The following PCSK6 variants were observed in gnomAD, a reference collection of about 807,000 sequenced individuals.
PCSK6 encodes the protein paired basic amino acid cleaving enzyme 4.
In PCSK6, 85 loss-of-function variants were observed where a neutral mutation model predicts 123.3. The observed-to-expected ratio is 0.69, with a 90% CI of 0.58 to 0.83. The LOEUF is 0.83. Among genes scored for constraint, PCSK6 ranks in the 40% least tolerant of loss-of-function variants. The pLI, the probability that PCSK6 is intolerant of heterozygous loss-of-function variation, is 0.00. For missense variants in PCSK6, 1,191 were observed against 1,282.3 expected, an observed-to-expected ratio of 0.93 and a Z score of 1.09; for synonymous variants, 508 against 516.0, an observed-to-expected ratio of 0.98 and a Z score of 0.21.
intron 1 of PCSK6, among the ~76,000 whole-genome samples, chr15:101,472,984 G>C (rs998268673): frequency 6.6e-6 from 1 of 152,200 alleles, no homozygotes; most frequent in Non-Finnish European, 1.5e-5. Flanking sequence ...GTTAGTTCTG[G>C]TCCCTCAATG....
At chr15:101,351,079 T>A (rs148614719) in intron 13 of PCSK6, among the ~76,000 whole-genome samples, 134 of 152,352 alleles carry the variant, frequency 8.8e-4, no homozygotes, top group African/African-American at 3.0e-3. Flanking sequence ...ATCTGTTCTA[T>A]CTACACAGGG....
rs369369167 is a variant in PCSK6 at position 101,428,066 on chromosome 15, G to A, written c.735-86C>T. 6.4e-6 allele frequency: 7 copies of A among 1,097,308 alleles called. No individual in the cohort carries two copies. In the African/African-American group the frequency reaches 7.7e-5, roughly 12 times the overall value. 68.0% of individuals were successfully genotyped at this position (1,097,308 alleles called of 1,614,324 possible). A position where few individuals can be genotyped will look rare whatever the true frequency, so the allele number is the denominator to read the frequency against. The stretch of plus-strand genomic sequence containing the variant: ...CCTGGCTCAGTTCAATGCAACAAGA[G>A]AGTCAGTTGTCCGAAGCCCAGAGAT... On this transcript the variant is annotated intron_variant, in intron 5 of 21. Transcript: ENST00000611716.
At chr15:101,337,061 G>A (rs1316690927) in intron 13 of PCSK6, 1 of 151,760 alleles carries the variant, frequency 6.6e-6, no homozygotes, top group Non-Finnish European at 1.5e-5. Flanking sequence ...CTGGAGTGCA[G>A]TGGCACCATC....
chr15:101,363,885 G>A (rs1035552156), intron 13 of PCSK6, among the ~76,000 whole-genome samples: 13 of 151,394 alleles, frequency 8.6e-5, no homozygotes, highest in Admixed American at 2.6e-4. Flanking sequence ...TGATCCACCC[G>A]CCTCGGCCTC....
At position 101,313,364 on chromosome 15, in the gene PCSK6, G is replaced by T; in HGVS notation, c.2699+12C>A. On this transcript the variant is annotated intron_variant, in intron 20 of 21. Coordinates refer to ENST00000611716, the MANE Select transcript of PCSK6 (RefSeq NM_002570.5). ...CACAGCTGCCTGCCGTTCCCCGCCA[G>T]GAGGACCGTACCTTCGACACACTTT... is the stretch of plus-strand genomic sequence containing the variant. 1.9e-6 allele frequency: 3 copies of T among 1,612,724 alleles called. No individual in the cohort carries two copies. The highest frequency in any genetic ancestry group is 2.5e-6 in the Non-Finnish European group (3 of 1,179,852).
chr15:101,448,998 C>T (rs941707451), intron 1 of PCSK6, among the ~76,000 whole-genome samples: 3 of 151,902 alleles, frequency 2.0e-5, no homozygotes, highest in African/African-American at 4.8e-5. Context: ...CGTGTATATA[C>T]GTATGCCGGT....
chr15:101,408,711 G>A lies in PCSK6; in HGVS notation c.824-10135C>T, dbSNP rs145526117. Among the ~76,000 whole-genome samples, 1,407 of 152,284 alleles carry A rather than the reference G, an allele frequency of 9.2e-3. 14 individuals are homozygous for A. The highest frequency in any genetic ancestry group is 0.032 in the African/African-American group (1,313 of 41,556). ...AAAATCCTCTTGCAGTTGAAAATGC[G>A]CTGGGAACCTTTGAAGATTAATCTA... On this transcript the variant is annotated intron_variant, in intron 6 of 21. Coordinates refer to ENST00000611716, the MANE Select transcript of PCSK6 (RefSeq NM_002570.5).
At chr15:101,461,938 T>C (rs537133886) in intron 1 of PCSK6, among the ~76,000 whole-genome samples, 1 of 152,212 alleles carries the variant, frequency 6.6e-6, no homozygotes, top group Non-Finnish European at 1.5e-5. Flanking sequence ...TCAATGCTTT[T>C]ATTCATCATT....
intron 10 of PCSK6, among the ~76,000 whole-genome samples, chr15:101,383,011 G>A (rs574403164): frequency 6.6e-6 from 1 of 152,236 alleles, no homozygotes; most frequent in African/African-American, 2.4e-5. Flanking sequence ...CAGACTTAGT[G>A]TCAAATTAGT....
intron 7 of PCSK6, among the ~76,000 whole-genome samples, chr15:101,393,694 G>T (rs2042305845): frequency 6.6e-6 from 1 of 152,192 alleles, no homozygotes; most frequent in African/African-American, 2.4e-5. Flanking sequence ...GTTCTTCACA[G>T]GAAAATCAAG....
intron 1 of PCSK6, among the ~76,000 whole-genome samples, chr15:101,468,669 G>C (rs79331718): frequency 6.6e-6 from 1 of 152,214 alleles, no homozygotes; most frequent in Non-Finnish European, 1.5e-5. Context: ...GGAGACAGCA[G>C]TTGGTACTAA....
intron 13 of PCSK6, among the ~76,000 whole-genome samples, chr15:101,340,787 T>A (rs1297683831): frequency 6.6e-6 from 1 of 151,846 alleles, no homozygotes; most frequent in Non-Finnish European, 1.5e-5. Flanking sequence ...CCCAATGTTC[T>A]AACAAAATTT....
chr15:101,393,290 G>C lies in PCSK6; in HGVS notation c.1131C>G (p.Tyr377Ter). The C allele has an allele frequency of 6.2e-7, 1 of 1,613,266 alleles. No homozygotes were observed. The highest frequency in any genetic ancestry group is 8.5e-7 in the Non-Finnish European group (1 of 1,179,654). Residue 377 changes from tyrosine (Y) to a stop codon, truncating the protein, a stop_gained, in exon 8 of 22, where the codon TAC (tyrosine) becomes TAG (stop). Coordinates refer to ENST00000611716, the MANE Select transcript of PCSK6 (RefSeq NM_002570.5). LOFTEE classifies it high-confidence loss of function. The stretch of plus-strand genomic sequence containing the variant: ...CACACTCTTCCAGGTACCAGGGCTT[G>C]TAGCCATTCTCGGTGGCGCTGCTGA... ...ISVSSATENG[Y>*]KPWYLEECAS...
At chr15:101,326,553 G>A in intron 15 of PCSK6, 74 bp from the exon 16 acceptor site, 1 of 1,379,064 alleles carries the variant, frequency 7.3e-7, no homozygotes, top group Non-Finnish European at 1.0e-6. Flanking sequence ...GGATCCCTGT[G>A]TCAGGATATC....
intron 13 of PCSK6, chr15:101,347,277 A>G: frequency 1.6e-6 from 2 of 1,232,404 alleles, no homozygotes; most frequent in Non-Finnish European, 2.0e-6. Context: ...TTAGAAATGA[A>G]GATTAGCTCA....
chr15:101,333,296 C>T (rs1596193838), intron 13 of PCSK6, among the ~76,000 whole-genome samples: 1 of 152,342 alleles, frequency 6.6e-6, no homozygotes, highest in African/African-American at 2.4e-5. Context: ...CCGGACGCCC[C>T]AGCCTTTCAA....
rs7172124 is a variant in PCSK6 at position 101,305,600 on chromosome 15, C to T, written c.2813-245G>A. 0.018 allele frequency: 7,637 copies of T among 413,500 alleles called. 281 individuals are homozygous for T. The highest frequency in any genetic ancestry group is 0.086 in the African/African-American group (4,226 of 49,288). The allele number at this position is 413,500 out of a possible 1,614,324, so 25.6% of individuals were successfully genotyped here. ...GTGGGCACCTGTAATCCAAGCTACTCGGGAGGCTAAAGCAGGAGAACCACC... is the reference window on the plus strand; with the variant it reads ...GTGGGCACCTGTAATCCAAGCTACTTGGGAGGCTAAAGCAGGAGAACCACC... On this transcript the variant is annotated intron_variant, in intron 21 of 21. Coordinates refer to ENST00000611716, the MANE Select transcript of PCSK6 (RefSeq NM_002570.5). The surrounding 1 kb of genome is among the most constrained non-coding windows in gnomAD (Gnocchi z 4.8).
intron 13 of PCSK6, chr15:101,364,999 C>T: frequency 1.3e-6 from 1 of 778,186 alleles, no homozygotes; most frequent in Admixed American, 1.7e-5. Flanking sequence ...GGAAACGAAC[C>T]TCTCTTCTGT....
At chr15:101,463,178 T>C (rs1012176905) in intron 1 of PCSK6, 2 of 451,614 alleles carry the variant, frequency 4.4e-6, no homozygotes, top group Admixed American at 2.4e-5. Context: ...AGGGGCCTTC[T>C]GGTTGGCTCC....
Sources: gnomAD v4.1 joint callset for allele counts (sites outside exome capture counted in the v4.1 genomes callset) on GRCh38, gnomAD v4.1.1 for gene constraint, Gnocchi (gnomAD v3.1) non-coding constraint, MANE v1.5 for transcripts, NCBI Gene and HGNC (gene_info 2026-07-23, HGNC 2026-07-21) for gene names.